The following DMBX1 variants were observed in gnomAD, a reference collection of about 807,000 sequenced individuals.
DMBX1 encodes the protein diencephalon/mesencephalon homeobox protein 1.
DMBX1 carries 7 observed loss-of-function variants against 30.4 expected under a neutral mutation model. The observed-to-expected ratio is 0.23, with a 90% CI of 0.13 to 0.43. The LOEUF (loss-of-function observed/expected upper bound fraction) is 0.43. DMBX1 is among the 20% of genes least tolerant of loss of function. The probability of loss-of-function intolerance (pLI) is 1.00; values close to 1 mark genes in which losing one functional copy is unlikely to be tolerated. For synonymous variants in DMBX1, 222 were observed against 214.2 expected (o/e 1.04, Z -0.32); for missense variants, 460 against 508.5 (o/e 0.90, Z 0.92).
rs1666351237 is a variant in DMBX1 at position 46,510,833 on chromosome 1, G to T, written c.334-102G>T. On this transcript the variant is annotated intron_variant, in intron 4 of 5. Coordinates refer to ENST00000360032, the MANE Select transcript of DMBX1 (RefSeq NM_172225.2). The surrounding 1 kb of genome is among the most constrained non-coding windows in gnomAD (Gnocchi z 4.1). ...CAGAGGGTGTGCATTCCCTAGAGGG[G>T]TGGGGGGATGTTATCACGTACATCC... 2 of 1,360,258 alleles carry T rather than the reference G, an allele frequency of 1.5e-6. No homozygotes were observed. The highest frequency in any genetic ancestry group is 5.0e-5 in the Admixed American group (2 of 40,060). 84.3% of individuals were successfully genotyped at this position (1,360,258 alleles called of 1,614,324 possible).
intron 2 of DMBX1, among the ~76,000 whole-genome samples, chr1:46,502,886 A>T (rs1666163494): frequency 1.3e-5 from 2 of 151,846 alleles, no homozygotes; most frequent in Admixed American, 1.3e-4. Flanking sequence ...TCTCAGAAAT[A>T]AAAAAAACAA....
At position 46,512,072 on chromosome 1, in the gene DMBX1, G is replaced by C; in HGVS notation, c.712G>C (p.Val238Leu). Residue 238 changes from valine (V) to leucine (L), a missense_variant, in exon 6 of 6, where the codon GTG becomes CTG. By Grantham distance (32) the Val-to-Leu change is conservative. This residue lies in a region of DMBX1 where 334 missense variants were observed against 345.1 expected (regional missense o/e 0.97). Coordinates refer to ENST00000360032, the MANE Select transcript of DMBX1 (RefSeq NM_172225.2). This position sits in a 1 kb window ranked among gnomAD's most constrained non-coding sequence, Gnocchi z 4.8. ...CCCAGGCAGCCTGACCATCACTCCT[G>C]TGGCCCCAGGGGGTGGCCTCCTGGG... Reference protein sequence around the residue: ...DSPGSLTITPVAPGGGLLGPS... With the variant: ...DSPGSLTITPLAPGGGLLGPS... 1 of 1,612,860 alleles carries C rather than the reference G, an allele frequency of 6.2e-7. No individual in the cohort carries two copies. Among genetic ancestry groups the C allele is most frequent in the Non-Finnish European group, 8.5e-7 (1 of 1,179,836 alleles).
chr1:46,503,369 T>C (rs950654517), intron 2 of DMBX1, among the ~76,000 whole-genome samples: 7 of 152,380 alleles, frequency 4.6e-5, no homozygotes, highest in Admixed American at 6.5e-5. Flanking sequence ...TTTTATTCAT[T>C]GTTATACATC....
chr1:46,515,821 C>T lies in DMBX1; in HGVS notation c.*3327C>T, dbSNP rs190276341. ...AGCCAGAGGCTCAAGCTCTGACTGT[C>T]CCTTCCAGGAATGCCTCATGCCTGG... On this transcript the variant is annotated 3_prime_UTR_variant, in exon 6 of 6. Transcript: ENST00000360032. Among the ~76,000 whole-genome samples the T allele has an allele frequency of 6.6e-6, 1 of 152,346 alleles. No homozygotes were observed. Among genetic ancestry groups the T allele is most frequent in the East Asian group, 1.9e-4 (1 of 5,176 alleles).
chr1:46,492,815 C>T (rs952099216), intron 2 of DMBX1, among the ~76,000 whole-genome samples: 1 of 152,164 alleles, frequency 6.6e-6, no homozygotes, highest in Non-Finnish European at 1.5e-5. Flanking sequence ...TAAAACCCCT[C>T]TGATAGACAC....
At chr1:46,505,298 C>T (rs1666210982) in intron 2 of DMBX1, among the ~76,000 whole-genome samples, 1 of 147,854 alleles carries the variant, frequency 6.8e-6, no homozygotes. Flanking sequence ...GACACATGCA[C>T]ACATATGTTT....
chr1:46,503,106 A>G (rs1666168925), intron 2 of DMBX1, among the ~76,000 whole-genome samples: 1 of 151,878 alleles, frequency 6.6e-6, no homozygotes. Flanking sequence ...TGCTCCAGCC[A>G]CCCTGGTTTT....
At chr1:46,501,846 C>A (rs983646785) in intron 2 of DMBX1, among the ~76,000 whole-genome samples, 1 of 152,088 alleles carries the variant, frequency 6.6e-6, no homozygotes, top group Non-Finnish European at 1.5e-5. Context: ...AGTAAGAGTT[C>A]TTTGTATATA....
In DMBX1 at chr1:46,510,232, A is replaced by G. The variant is rs1163464543; in HGVS notation, c.155-244A>G. ...AAGACCCCCCTCAATCATATGCCTG[A>G]CAGCCATTTTTGGAGTTGAGTTAGA... is the stretch of plus-strand genomic sequence containing the variant. On this transcript the variant is annotated intron_variant, in intron 3 of 5. Coordinates refer to ENST00000360032, the MANE Select transcript of DMBX1 (RefSeq NM_172225.2). This position sits in a 1 kb window ranked among gnomAD's most constrained non-coding sequence, Gnocchi z 4.1. Among the ~76,000 whole-genome samples, 1 of 152,144 alleles carries G rather than the reference A, an allele frequency of 6.6e-6. No individual in the cohort carries two copies. Among genetic ancestry groups the G allele is most frequent in the African/African-American group, 2.4e-5 (1 of 41,432 alleles).
Position 46,493,214 on chromosome 1 carries a change from CA to C in DMBX1, c.-13+2432del, listed in dbSNP as rs1665964387. Among the ~76,000 whole-genome samples, 1 of 152,196 alleles carries C rather than the reference CA, an allele frequency of 6.6e-6. No homozygotes were observed. Among genetic ancestry groups the C allele is most frequent in the African/African-American group, 2.4e-5 (1 of 41,432 alleles). ...GACGCCACTGCTGCCCGCCAAAGCC[CA>C]TTACCGAACGAGTAGGGAGGGGCGC... On this transcript the variant is annotated intron_variant, in intron 2 of 5. Coordinates refer to ENST00000360032, the MANE Select transcript of DMBX1 (RefSeq NM_172225.2). This position sits in a 1 kb window ranked among gnomAD's most constrained non-coding sequence, Gnocchi z 4.1.
intron 1 of DMBX1, among the ~76,000 whole-genome samples, chr1:46,490,211 C>T (rs1665903428): frequency 6.6e-6 from 1 of 152,102 alleles, no homozygotes; most frequent in African/African-American, 2.4e-5. Context: ...ACTCGAAATT[C>T]CGAGGCAGAG....
rs1666246177 is a variant in DMBX1 at position 46,506,927 on chromosome 1, TG to T, written c.-12-67del. 14 of 1,551,954 alleles carry T rather than the reference TG, an allele frequency of 9.0e-6. No homozygotes were observed. In the South Asian group the frequency reaches 1.4e-4, roughly 16 times the overall value. ...GAAGGTGGGCATCCAGGGTCTGGAC[TG>T]GGGGTGGGTCTCCCTGAGGGCAGAG... On this transcript the variant is annotated intron_variant, in intron 2 of 5. Coordinates refer to ENST00000360032, the MANE Select transcript of DMBX1 (RefSeq NM_172225.2).
Position 46,515,460 on chromosome 1 carries a change from C to A in DMBX1, c.*2966C>A. On this transcript the variant is annotated 3_prime_UTR_variant, in exon 6 of 6. Coordinates refer to ENST00000360032, the MANE Select transcript of DMBX1 (RefSeq NM_172225.2). ...CTGTCATGGCTGGAGGCAGGCCCAC[C>A]TTAGGAGCAGCCGAGCTTCCCTCAG... 6.6e-6 allele frequency among the ~76,000 whole-genome samples: 1 copy of A among 152,216 alleles called. No homozygotes were observed. The highest frequency in any genetic ancestry group is 1.9e-4 in the East Asian group (1 of 5,188).
Position 46,507,688 on chromosome 1 carries a change from C to T in DMBX1, c.154+524C>T, listed in dbSNP as rs12567368. Among the ~76,000 whole-genome samples the T allele has an allele frequency of 0.018, 2,755 of 152,270 alleles. 201 individuals carry two copies. In the East Asian group the frequency reaches 0.23, roughly 13 times the overall value. ...TATTTCCATTTTATGGACAAGGAAA[C>T]GGAGGCTCAGAGAGGCTAAATCTGG... On this transcript the variant is annotated intron_variant, in intron 3 of 5. Transcript: ENST00000360032.
Position 46,510,185 on chromosome 1 carries a change from C to G in DMBX1, c.155-291C>G, listed in dbSNP as rs373424516. ...CCATCTTAGGGTAATACCCACCTAC[C>G]CAATCCCAATGCCAAATAATGAAGA... On this transcript the variant is annotated intron_variant, in intron 3 of 5. Coordinates refer to ENST00000360032, the MANE Select transcript of DMBX1 (RefSeq NM_172225.2). The surrounding 1 kb of genome is among the most constrained non-coding windows in gnomAD (Gnocchi z 4.1). Among the ~76,000 whole-genome samples the G allele has an allele frequency of 1.8e-4, 28 of 152,294 alleles. No homozygotes were observed. In the East Asian group the frequency reaches 5.4e-3, roughly 29 times the overall value.
rs535898290 is a variant in DMBX1 at position 46,512,236 on chromosome 1, G to T, written c.876G>T (p.Ala292=). The change falls in exon 6 of 6, where the codon GCG becomes GCT. Residue 292 remains alanine (A), a synonymous_variant. Coordinates refer to ENST00000360032, the MANE Select transcript of DMBX1 (RefSeq NM_172225.2). The surrounding 1 kb of genome is among the most constrained non-coding windows in gnomAD (Gnocchi z 4.8). ...EVGGPAPAAA[A]AAAAVPYLGV... is the part of the protein sequence containing the mutation. Reference sequence around the variant, plus strand: ...GGGGTCCGGCCCCTGCTGCTGCAGCGGCGGCTGCTGCTGTGCCCTACCTGG... The same window carrying T: ...GGGGTCCGGCCCCTGCTGCTGCAGCTGCGGCTGCTGCTGTGCCCTACCTGG... 1 of 1,613,706 alleles carries T rather than the reference G, an allele frequency of 6.2e-7. No individual in the cohort carries two copies. Among genetic ancestry groups the T allele is most frequent in the African/African-American group, 1.3e-5 (1 of 75,006 alleles).
intron 2 of DMBX1, among the ~76,000 whole-genome samples, chr1:46,496,916 C>G (rs899680205): frequency 6.6e-6 from 1 of 152,204 alleles, no homozygotes; most frequent in Non-Finnish European, 1.5e-5. Flanking sequence ...GGACTTCAAA[C>G]TGCAAAGCAG....
intron 2 of DMBX1, among the ~76,000 whole-genome samples, chr1:46,497,933 G>A (rs1454222193): frequency 1.3e-5 from 2 of 152,230 alleles, no homozygotes; most frequent in Non-Finnish European, 2.9e-5. Context: ...AGGAATTGCG[G>A]GGCGGCACCT....
chr1:46,500,105 G>A (rs1314497376), intron 2 of DMBX1, among the ~76,000 whole-genome samples: 1 of 152,102 alleles, frequency 6.6e-6, no homozygotes, highest in African/African-American at 2.4e-5. Context: ...TTCAGGTAGA[G>A]GGCCCAGCAA....
Sources: allele counts gnomAD v4.1 joint callset (sites outside exome capture counted in the v4.1 genomes callset), GRCh38; gene constraint gnomAD v4.1.1; regional missense constraint gnomAD v4.1.1; non-coding constraint Gnocchi (gnomAD v3.1); transcripts MANE v1.5; gene names NCBI Gene and HGNC (gene_info 2026-07-23, HGNC 2026-07-21).